The following AMBRA1 variants were observed in gnomAD, a reference collection of about 807,000 sequenced individuals.
AMBRA1 encodes the protein autophagy and beclin 1 regulator 1.
In AMBRA1, 47 loss-of-function variants were observed where a neutral mutation model predicts 125.4. The observed-to-expected ratio is 0.37, with a 90% CI of 0.30 to 0.48. The LOEUF is 0.48. AMBRA1 is among the 20% of genes least tolerant of loss of function. The pLI, the probability that AMBRA1 is intolerant of heterozygous loss-of-function variation, is 0.99. For synonymous variants in AMBRA1, 626 were observed against 655.5 expected (o/e 0.95, Z 0.69); for missense variants, 1,331 against 1,693.4 (o/e 0.79, Z 3.76).
At chr11:46,547,042 G>A (rs757434013) in intron 4 of AMBRA1, 71 bp downstream of exon 4, 21 of 1,433,736 alleles carry the variant, frequency 1.5e-5, no homozygotes, top group Non-Finnish European at 1.8e-5. Flanking sequence ...CTGGGCAACA[G>A]AGCGAGACTC....
chr11:46,512,925 A>G (rs1590995128), intron 7 of AMBRA1, 112 bp from the exon 8 acceptor site: 1 of 914,116 alleles, frequency 1.1e-6, no homozygotes, highest in East Asian at 2.7e-5. Context: ...CAGCCAGCTA[A>G]CGCCTGTTAT....
At chr11:46,443,847 A>G (rs899803187) in intron 11 of AMBRA1, among the ~76,000 whole-genome samples, 8 of 152,220 alleles carry the variant, frequency 5.3e-5, no homozygotes, top group Non-Finnish European at 1.2e-4. Flanking sequence ...CTTAACATTT[A>G]CTTAGTGCCA....
chr11:46,525,699 C>T lies in AMBRA1; in HGVS notation c.2073-12886G>A, dbSNP rs191102321. 1.6e-3 allele frequency among the ~76,000 whole-genome samples: 237 copies of T among 151,398 alleles called. 3 individuals carry two copies. Among genetic ancestry groups the T allele is most frequent in the Non-Finnish European group, 2.4e-3 (162 of 67,830 alleles). ...CCGGGAGGCGGAAGTTGCAGTGACC[C>T]GAGATCGTGCCACTGCACTCCAGCC... On this transcript the variant is annotated intron_variant, in intron 7 of 17. Transcript: ENST00000683756.
At chr11:46,481,386 T>A (rs1450691731) in intron 11 of AMBRA1, among the ~76,000 whole-genome samples, 5 of 152,122 alleles carry the variant, frequency 3.3e-5, no homozygotes, top group African/African-American at 1.2e-4. Context: ...CTGAACACAC[T>A]ATTTTTGTTT....
At chr11:46,467,519 C>G (rs1421038359) in intron 11 of AMBRA1, among the ~76,000 whole-genome samples, 1 of 150,064 alleles carries the variant, frequency 6.7e-6, no homozygotes. Context: ...ATACTTTTGT[C>G]TAATTCCTTT....
At chr11:46,414,264 G>C (rs1368816321) in intron 15 of AMBRA1, among the ~76,000 whole-genome samples, 1 of 152,230 alleles carries the variant, frequency 6.6e-6, no homozygotes, top group East Asian at 1.9e-4. Flanking sequence ...GCGCGGGAAA[G>C]AGCCAGCACC....
intron 14 of AMBRA1, among the ~76,000 whole-genome samples, chr11:46,424,203 C>T (rs1947004127): frequency 6.6e-6 from 1 of 151,880 alleles, no homozygotes; most frequent in African/African-American, 2.4e-5. Context: ...CATATCCAAA[C>T]CAAAGCTCTC....
In AMBRA1 at chr11:46,543,002, G is replaced by A. The variant is rs1249595411; in HGVS notation, c.1015C>T (p.Pro339Ser). 6.2e-7 allele frequency: 1 copy of A among 1,600,772 alleles called. No individual in the cohort carries two copies. The change falls in exon 7 of 18, where the codon CCT becomes TCT. Residue 339 changes from proline (P) to serine (S), a missense_variant. Physicochemically the swap from Pro to Ser is moderately conservative, Grantham distance 74. Coordinates refer to ENST00000683756, the MANE Select transcript of AMBRA1 (RefSeq NM_001387011.1). ...VPPASARATTPSFSFVQTEPF... is the reference protein window; with the variant it reads ...VPPASARATTSSFSFVQTEPF... ...TCGGTCTGTACAAAAGAAAAGGAAG[G>A]GGTAGTAGCTCTGGCAGAAGCAGGG...
At chr11:46,550,316 A>G (rs1199842557) in intron 1 of AMBRA1, among the ~76,000 whole-genome samples, 1 of 152,222 alleles carries the variant, frequency 6.6e-6, no homozygotes, top group Non-Finnish European at 1.5e-5. Flanking sequence ...ATGTGCCTAT[A>G]TACCTCAAGG....
At chr11:46,527,978 A>C (rs1001354476) in intron 7 of AMBRA1, among the ~76,000 whole-genome samples, 1 of 152,114 alleles carries the variant, frequency 6.6e-6, no homozygotes, top group African/African-American at 2.4e-5. Context: ...AGAAATGAAA[A>C]CAGGATCTTG....
intron 11 of AMBRA1, among the ~76,000 whole-genome samples, chr11:46,474,255 TA>T: frequency 6.6e-6 from 1 of 152,074 alleles, no homozygotes; most frequent in Non-Finnish European, 1.5e-5. Context: ...ATTAAGTTAG[TA>T]AATATTAGAA....
intron 9 of AMBRA1, among the ~76,000 whole-genome samples, chr11:46,500,934 T>A (rs1950814358): frequency 6.6e-6 from 1 of 152,228 alleles, no homozygotes; most frequent in South Asian, 2.1e-4. Context: ...TGCTATTCCA[T>A]AACTTAAAAT....
intron 11 of AMBRA1, 131 bp from the exon 12 acceptor site, chr11:46,443,729 A>C: frequency 1.4e-6 from 1 of 720,186 alleles, no homozygotes; most frequent in Non-Finnish European, 2.3e-6. Flanking sequence ...AAGAAAGCTA[A>C]TGAGTCCCAT....
intron 1 of AMBRA1, among the ~76,000 whole-genome samples, chr11:46,585,851 G>A (rs2044379023): frequency 6.7e-6 from 1 of 148,684 alleles, no homozygotes; most frequent in Non-Finnish European, 1.5e-5. Flanking sequence ...TGTTGCCCAG[G>A]CTGGAGTGTG....
intron 7 of AMBRA1, among the ~76,000 whole-genome samples, chr11:46,514,212 AC>A (rs890572532): frequency 6.6e-6 from 1 of 152,008 alleles, no homozygotes; most frequent in Non-Finnish European, 1.5e-5. Context: ...TGTTACTAAA[AC>A]CATCTGGCTT....
At chr11:46,433,706 T>C in intron 13 of AMBRA1, 78 bp from the exon 14 acceptor site, 1 of 1,438,332 alleles carries the variant, frequency 7.0e-7, no homozygotes, top group South Asian at 1.3e-5. Context: ...CTTACTCTTG[T>C]CTTTTTCTCT....
At chr11:46,496,128 C>G (rs903004672) in intron 9 of AMBRA1, among the ~76,000 whole-genome samples, 3 of 151,988 alleles carry the variant, frequency 2.0e-5, no homozygotes, top group Non-Finnish European at 4.4e-5. Context: ...AATCCCAACA[C>G]TCTGGGAGGC....
At chr11:46,524,756 CCT>C (rs1176879635) in intron 7 of AMBRA1, among the ~76,000 whole-genome samples, 1 of 152,120 alleles carries the variant, frequency 6.6e-6, no homozygotes, top group Non-Finnish European at 1.5e-5. Context: ...AATATGATGC[CCT>C]CTGTCCACTC....
At chr11:46,508,993 G>A (rs1186897705) in intron 8 of AMBRA1, among the ~76,000 whole-genome samples, 1 of 152,132 alleles carries the variant, frequency 6.6e-6, no homozygotes, top group Non-Finnish European at 1.5e-5. Flanking sequence ...GTAACATGGG[G>A]AAAAAATTCA....
Sources: allele counts gnomAD v4.1 joint callset (sites outside exome capture counted in the v4.1 genomes callset), GRCh38; gene constraint gnomAD v4.1.1; transcripts MANE v1.5; gene names NCBI Gene and HGNC (gene_info 2026-07-23, HGNC 2026-07-21).